Variants in USP9Y observed in about 807,000 individuals in gnomAD.
The protein encoded by USP9Y is ubiquitin carboxyl-terminal hydrolase 9Y.
A neutral mutation model predicts 53.1 loss-of-function variants in USP9Y; 41 were observed. That is an observed-to-expected ratio of 0.77 (90% confidence interval 0.60 to 1.00). The LOEUF (loss-of-function observed/expected upper bound fraction) is 1.00. Among genes scored for constraint, USP9Y ranks in the 50% least tolerant of loss-of-function variants. The probability of loss-of-function intolerance (pLI) is 0.00; values close to 1 mark genes in which losing one functional copy is unlikely to be tolerated. For synonymous variants in USP9Y, 220 were observed against 173.7 expected (o/e 1.27, Z -2.09); for missense variants, 567 against 535.8 (o/e 1.06, Z -0.58).
At chrY:12,762,898 T>C in intron 15 of USP9Y, among the ~76,000 whole-genome samples, 1 of 33,400 alleles carries the variant, frequency 3.0e-5, no homozygotes, top group Non-Finnish European at 7.4e-5. Flanking sequence ...TTCTGAGTAA[T>C]GTTGCTGAAT....
rs2148282668 is a variant in USP9Y, at chrY:12,744,981, C to T, written c.1422+5352C>T. On this transcript the variant is annotated intron_variant, in intron 12 of 45. Transcript: ENST00000338981. ...GTTCCAGATTTTTACGTTACATATCCCTTTCTGTTTCCTGTGAGCTGCAGC... is the reference window on the plus strand; with the variant it reads ...GTTCCAGATTTTTACGTTACATATCTCTTTCTGTTTCCTGTGAGCTGCAGC... Among the ~76,000 whole-genome samples, 3 of 33,696 alleles carry T rather than the reference C, an allele frequency of 8.9e-5. No individual in the cohort carries two copies. The East Asian group carries it at 2.3e-3, about 26-fold the overall frequency. The allele number at this position is 33,696 out of a possible 37,273, so 90.4% of individuals were successfully genotyped here. A position where few individuals can be genotyped will look rare whatever the true frequency, so the allele number is the denominator to read the frequency against.
intron 12 of USP9Y, among the ~76,000 whole-genome samples, chrY:12,744,608 G>T (rs2053459550): frequency 3.0e-5 from 1 of 33,785 alleles, no homozygotes; most frequent in African/African-American, 1.2e-4. Context: ...CAGAAGCTAG[G>T]ATTCCTCCAG....
chrY:12,778,368 A>G, intron 20 of USP9Y, 109 bp downstream of exon 20: 1 of 238,200 alleles, frequency 4.2e-6, no homozygotes. Context: ...TCTGTTGGGC[A>G]TCTAACTATT....
chrY:12,706,125 C>G, intron 1 of USP9Y, among the ~76,000 whole-genome samples: 1 of 32,881 alleles, frequency 3.0e-5, no homozygotes, highest in African/African-American at 1.2e-4. Context: ...GTTATAACTG[C>G]AATAGGATCT....
chrY:12,819,129 A>G, intron 33 of USP9Y, among the ~76,000 whole-genome samples: 1 of 33,842 alleles, frequency 3.0e-5, no homozygotes. Flanking sequence ...CAGTGAGCCA[A>G]GATTGTGCCA....
At chrY:12,795,563 A>G (rs2053512095) in intron 27 of USP9Y, among the ~76,000 whole-genome samples, 1 of 33,466 alleles carries the variant, frequency 3.0e-5, no homozygotes, top group Non-Finnish European at 7.4e-5. Flanking sequence ...GAGCAAGTTT[A>G]TAGAGAAGTA....
chrY:12,798,652 G>A, intron 27 of USP9Y, among the ~76,000 whole-genome samples: 1 of 32,774 alleles, frequency 3.1e-5, no homozygotes, highest in African/African-American at 1.2e-4. Context: ...GTTCAGGAGC[G>A]GAGGTTTAAT....
chrY:12,732,768 T>C (rs2053448071), intron 7 of USP9Y, among the ~76,000 whole-genome samples: 1 of 32,924 alleles, frequency 3.0e-5, no homozygotes, highest in East Asian at 8.1e-4. Flanking sequence ...ATGATAGGAT[T>C]GAACCACCAC....
At chrY:12,854,594 G>A (rs2053574211) in intron 42 of USP9Y, among the ~76,000 whole-genome samples, 1 of 32,823 alleles carries the variant, frequency 3.0e-5, no homozygotes, top group Non-Finnish European at 7.5e-5. Context: ...AGTAGAGACG[G>A]GGTTTCACCA....
intron 42 of USP9Y, among the ~76,000 whole-genome samples, chrY:12,854,568 A>G (rs1040671007): frequency 4.9e-4 from 16 of 32,951 alleles, no homozygotes; most frequent in African/African-American, 1.9e-3. Flanking sequence ...ACGCCCAGCT[A>G]ATTTTTTTGT....
Position 12,753,986 on chromosome Y carries a change from A to G in USP9Y, c.1423-3206A>G. 1.3e-4 allele frequency among the ~76,000 whole-genome samples: 4 copies of G among 31,811 alleles called. No homozygotes were observed. In the South Asian group the frequency reaches 2.8e-3, roughly 22 times the overall value. 85.3% of individuals were successfully genotyped at this position (31,811 alleles called of 37,273 possible). On this transcript the variant is annotated intron_variant, in intron 12 of 45. Transcript: ENST00000338981. The stretch of plus-strand genomic sequence containing the variant: ...TTGTAGTTTCCTAAAGTAGGAGTTA[A>G]GATGATTCACTTCAGCATTTCCTCT...
At chrY:12,848,316 GT>G (rs2053568844) in intron 42 of USP9Y, among the ~76,000 whole-genome samples, 1 of 31,416 alleles carries the variant, frequency 3.2e-5, no homozygotes, top group Non-Finnish European at 7.9e-5. Flanking sequence ...GGGGTTATTT[GT>G]TTTTTTTTCT....
At chrY:12,853,881 G>C in intron 42 of USP9Y, among the ~76,000 whole-genome samples, 1 of 32,873 alleles carries the variant, frequency 3.0e-5, no homozygotes, top group Non-Finnish European at 7.4e-5. Flanking sequence ...TAAGAAATCG[G>C]AGTGGTAATT....
At chrY:12,752,588 A>G in intron 12 of USP9Y, among the ~76,000 whole-genome samples, 1 of 32,359 alleles carries the variant, frequency 3.1e-5, no homozygotes. Context: ...TTGCCTCATT[A>G]TGTTGGTTAG....
rs1484191948 is a variant in USP9Y, at chrY:12,757,367, A to C, written c.1598A>C (p.His533Pro). 2.5e-6 allele frequency: 1 copy of C among 398,481 alleles called. No homozygotes were observed. Among genetic ancestry groups the C allele is most frequent in the Admixed American group, 7.4e-5 (1 of 13,514 alleles). ...VDIMDLALSA[H>P]IKILDYSCSQ... ...ATCATGGACCTTGCTCTTAGTGCCC[A>C]CATAAAAATACTAGATTATAGTTGT... Residue 533 changes from histidine (H) to proline (P), a missense_variant, in exon 13 of 46, where the codon CAC (histidine) becomes CCC (proline). His to Pro is a moderately conservative substitution (Grantham distance 77, BLOSUM62 -2). Coordinates refer to ENST00000338981, the MANE Select transcript of USP9Y (RefSeq NM_004654.4).
At chrY:12,727,551 T>G in intron 7 of USP9Y, among the ~76,000 whole-genome samples, 1 of 33,471 alleles carries the variant, frequency 3.0e-5, no homozygotes, top group Non-Finnish European at 7.4e-5. Flanking sequence ...TGTGTCAGTA[T>G]CTTTAATATT....
In USP9Y at chrY:12,860,649, A is replaced by G; in HGVS notation, c.*1233A>G. The G allele has an allele frequency of 3.0e-5, 1 of 33,775 alleles. No homozygotes were observed. The allele number at this position is 33,775 out of a possible 400,897, so 8.4% of individuals were successfully genotyped here. ...GAAAAAACATTTGTTTTAAGATTCCAAGAAACCTGTGAGTTAATACTATAT... is the reference window on the plus strand; with the variant it reads ...GAAAAAACATTTGTTTTAAGATTCCGAGAAACCTGTGAGTTAATACTATAT... On this transcript the variant is annotated 3_prime_UTR_variant, in exon 46 of 46. Transcript: ENST00000338981.
chrY:12,822,553 C>T (rs2053542690), intron 33 of USP9Y, among the ~76,000 whole-genome samples: 1 of 32,123 alleles, frequency 3.1e-5, no homozygotes, highest in South Asian at 7.2e-4. Flanking sequence ...TTAGTAGAGA[C>T]GGAGTTTTAC....
At chrY:12,755,523 C>T (rs2053467546) in intron 12 of USP9Y, among the ~76,000 whole-genome samples, 1 of 33,057 alleles carries the variant, frequency 3.0e-5, no homozygotes, top group Admixed American at 2.8e-4. Flanking sequence ...CCCTTGCTAT[C>T]ATATTTTTAT....
Sources: gnomAD v4.1 joint callset for allele counts (sites outside exome capture counted in the v4.1 genomes callset) on GRCh38, gnomAD v4.1.1 for gene constraint, MANE v1.5 for transcripts, NCBI Gene and HGNC (gene_info 2026-07-23, HGNC 2026-07-21) for gene names.